Variants in RTEL1 observed in about 807,000 individuals in gnomAD.
RTEL1 encodes the protein regulator of telomere length.
RTEL1 carries 86 observed loss-of-function variants against 162.2 expected under a neutral mutation model. That is an observed-to-expected ratio of 0.53 (90% CI 0.45 to 0.63). RTEL1 has a LOEUF of 0.63. Ranked by LOEUF, RTEL1 falls within the 30% of genes least tolerant of loss-of-function variation. The pLI, the probability that RTEL1 is intolerant of heterozygous loss-of-function variation, is 0.00. For missense variants in RTEL1, 1,941 were observed against 1,750.2 expected (o/e 1.11, Z -1.95); for synonymous variants, 958 against 717.9 (o/e 1.33, Z -5.35).
At chr20:63,665,368 G>A (rs2090106139) in intron 6 of RTEL1, 1 of 152,870 alleles carries the variant, frequency 6.5e-6, no homozygotes, top group African/African-American at 2.4e-5. Flanking sequence ...TGGGGGGCCT[G>A]TACTGTAGAG....
intron 8 of RTEL1, among the ~76,000 whole-genome samples, chr20:63,670,662 G>A (rs2090220819): frequency 6.6e-6 from 1 of 152,136 alleles, no homozygotes; most frequent in South Asian, 2.1e-4. Context: ...GCAAACAGCC[G>A]AGCCGGGAGA....
chr20:63,681,566 G>A, intron 14 of RTEL1: 1 of 985,326 alleles, frequency 1.0e-6, no homozygotes, highest in Non-Finnish European at 1.2e-6. Context: ...AGCTGGGGGA[G>A]GCCGCAGAAG....
chr20:63,689,971 C>T (rs534838568), intron 24 of RTEL1, 106 bp downstream of exon 24: 121 of 1,552,620 alleles, frequency 7.8e-5, no homozygotes, highest in East Asian at 2.9e-4. Context: ...TCCAGAGCCT[C>T]TCCGGCTACT....
intron 8 of RTEL1, among the ~76,000 whole-genome samples, chr20:63,669,053 G>A (rs1423903716): frequency 5.3e-5 from 8 of 152,010 alleles, no homozygotes; most frequent in Non-Finnish European, 1.0e-4. Context: ...GCACCATCTC[G>A]GCTCACTGCA....
At chr20:63,694,690 T>G in intron 31 of RTEL1, 51 bp from the exon 32 acceptor site, 1 of 1,464,220 alleles carries the variant, frequency 6.8e-7, no homozygotes, top group Non-Finnish European at 9.2e-7. Context: ...GCGGTGGGAC[T>G]CTCAGTCCTC....
At chr20:63,683,977 A>G (rs1460201311) in intron 14 of RTEL1, among the ~76,000 whole-genome samples, 1 of 97,114 alleles carries the variant, frequency 1.0e-5, no homozygotes, top group Non-Finnish European at 2.1e-5. Context: ...GCCGACATAC[A>G]TATTCTTTCC....
chr20:63,681,838 C>T (rs1397118499), intron 14 of RTEL1: 1 of 985,248 alleles, frequency 1.0e-6, no homozygotes. Context: ...ACTGCCTTGT[C>T]CTCCCAACTC....
At chr20:63,681,934 T>C in intron 14 of RTEL1, 1 of 985,358 alleles carries the variant, frequency 1.0e-6, no homozygotes, top group East Asian at 1.1e-4. Context: ...CTGTCCCGCA[T>C]GGAGTGTGGT....
At chr20:63,692,686 A>G (rs2090779489) in intron 28 of RTEL1, 119 bp from the exon 29 acceptor site, 1 of 974,474 alleles carries the variant, frequency 1.0e-6, no homozygotes, top group Non-Finnish European at 1.5e-6. Context: ...CTCAGGCAGC[A>G]GCCCCACCTC....
At chr20:63,673,470 C>A (rs28416741) in intron 9 of RTEL1, among the ~76,000 whole-genome samples, 7,997 of 152,178 alleles carry the variant, frequency 0.053, 720 homozygotes, top group African/African-American at 0.18. Flanking sequence ...ACAGGGTCTC[C>A]TTCTGTCGTC....
Position 63,692,798 on chromosome 20 carries a change from C to T in RTEL1, c.2653-7C>T, listed in dbSNP as rs1472538837. On this transcript the variant is annotated splice_polypyrimidine_tract_variant and splice_region_variant and intron_variant, in intron 28 of 34. Transcript: ENST00000360203. ...CCCTGATGGAGCCTCGGGCCTGTGT[C>T]CTGCAGGAGGAGCCCGTGGCTGGTG... 4 of 1,608,488 alleles carry T rather than the reference C, an allele frequency of 2.5e-6. No individual in the cohort carries two copies. The highest frequency in any genetic ancestry group is 2.2e-5 in the East Asian group (1 of 44,750).
At chr20:63,694,065 G>T (rs535895766) in intron 30 of RTEL1, among the ~76,000 whole-genome samples, 1 of 152,208 alleles carries the variant, frequency 6.6e-6, no homozygotes, top group East Asian at 2.0e-4. Flanking sequence ...GGGGAACCTA[G>T]CCTGTTGGGA....
At chr20:63,693,450 A>ACCACCTCCACCTTCACCACCACCACCT (rs1568719825) in intron 30 of RTEL1, among the ~76,000 whole-genome samples, 167 bp downstream of exon 30, 1 of 81,436 alleles carries the variant, frequency 1.2e-5, no homozygotes, top group African/African-American at 6.2e-5. Context: ...CACCAGCAGC[A>ACCACCTCCACCTTCACCACCACCACCT]CCACCTCCAC....
intron 8 of RTEL1, among the ~76,000 whole-genome samples, chr20:63,667,900 T>C (rs1202027497): frequency 6.6e-6 from 1 of 151,708 alleles, no homozygotes; most frequent in Non-Finnish European, 1.5e-5. Flanking sequence ...GGAAGCCCAC[T>C]GACTCCCCTC....
At chr20:63,662,733 TG>T (rs2090046039) in intron 5 of RTEL1, 95 bp from the exon 6 acceptor site, 2 of 1,592,354 alleles carry the variant, frequency 1.3e-6, no homozygotes, top group African/African-American at 1.3e-5. Context: ...TGAAGTTCAC[TG>T]GGGGACTGCA....
chr20:63,669,653 G>C (rs1368185132), intron 8 of RTEL1, among the ~76,000 whole-genome samples: 1 of 152,024 alleles, frequency 6.6e-6, no homozygotes, highest in Non-Finnish European at 1.5e-5. Context: ...CACCAAGATG[G>C]GTGGAATGGC....
rs2090302035 is a variant in RTEL1, at chr20:63,674,150, C to T, written c.919+57C>T. On this transcript the variant is annotated intron_variant, in intron 10 of 34. Coordinates refer to ENST00000360203, the MANE Select transcript of RTEL1 (RefSeq NM_001283009.2). ...GGCCTGCGCTGCTGCAGGGTGAGCC[C>T]CACCCGGAGTTCAGCACGGACTCCC... The T allele has an allele frequency of 2.6e-6, 4 of 1,546,308 alleles. No individual in the cohort carries two copies. The East Asian group carries it at 9.2e-5, about 35-fold the overall frequency.
chr20:63,670,841 A>C (rs2090226828), intron 8 of RTEL1, among the ~76,000 whole-genome samples: 1 of 152,028 alleles, frequency 6.6e-6, no homozygotes, highest in Admixed American at 6.6e-5. Flanking sequence ...AGAAAAAAGA[A>C]AAGACTTCAG....
In RTEL1 at chr20:63,688,964, C is replaced by T. The variant is rs1471953512; in HGVS notation, c.1801-91C>T. 4 of 1,150,124 alleles carry T rather than the reference C, an allele frequency of 3.5e-6. No homozygotes were observed. The East Asian group carries it at 7.0e-5, about 20-fold the overall frequency. The allele number at this position is 1,150,124 out of a possible 1,614,324, so 71.2% of individuals were successfully genotyped here. A position where few individuals can be genotyped will look rare whatever the true frequency, so the allele number is the denominator to read the frequency against. On this transcript the variant is annotated intron_variant, in intron 21 of 34. Coordinates refer to ENST00000360203, the MANE Select transcript of RTEL1 (RefSeq NM_001283009.2). ...GGCCTTCCTGGCTAGGACGATCCTT[C>T]ATCTTGGAGCATGAGACCTGGGTCT...
Sources: allele counts gnomAD v4.1 joint callset (sites outside exome capture counted in the v4.1 genomes callset), GRCh38; gene constraint gnomAD v4.1.1; transcripts MANE v1.5; gene names NCBI Gene and HGNC (gene_info 2026-07-23, HGNC 2026-07-21).